KRT33B: variants seen among roughly 807,000 people sequenced by gnomAD.
KRT33B encodes the protein keratin 33B, also known as keratin, type I cuticular Ha3-II.
KRT33B carries 37 observed loss-of-function variants against 42.7 expected under a neutral mutation model. That is an observed-to-expected ratio of 0.87 (90% CI 0.67 to 1.14). The LOEUF is 1.14. Among genes scored for constraint, KRT33B ranks in the 50% most tolerant of loss-of-function variants. The pLI, the probability that KRT33B is intolerant of heterozygous loss-of-function variation, is 0.00. For synonymous variants in KRT33B, 237 were observed against 221.2 expected, an observed-to-expected ratio of 1.07 and a Z score of -0.63; for missense variants, 523 against 515.1, an observed-to-expected ratio of 1.02 and a Z score of -0.15.
At position 41,365,463 on chromosome 17, in the gene KRT33B, C is replaced by T. The variant is rs1597690218; in HGVS notation, c.679G>A (p.Glu227Lys). 6.2e-7 allele frequency: 1 copy of T among 1,613,044 alleles called. No homozygotes were observed. The highest frequency in any genetic ancestry group is 8.5e-7 in the Non-Finnish European group (1 of 1,180,022). ...PAVDLNQVLN[E>K]TRNQYEALVE... The stretch of plus-strand genomic sequence containing the variant: ...AGGGCCTCATACTGATTCCTGGTCT[C>T]GTTCAGGACCTGGTTCAGGTCCACA... The change falls in exon 4 of 7, where the codon GAG becomes AAG. Residue 227 changes from glutamate (E) to lysine (K), a missense_variant. By Grantham distance (56) the Glu-to-Lys change is moderately conservative (BLOSUM62 1). Transcript: ENST00000251646.
At chr17:41,366,133 T>G (rs990340832) in intron 3 of KRT33B, among the ~76,000 whole-genome samples, 1 of 151,212 alleles carries the variant, frequency 6.6e-6, no homozygotes, top group Non-Finnish European at 1.5e-5. Context: ...AGTGTAAGAA[T>G]GTTTTCTATC....
chr17:41,365,998 C>A (rs1329411396), intron 3 of KRT33B, among the ~76,000 whole-genome samples: 1 of 151,370 alleles, frequency 6.6e-6, no homozygotes, highest in Non-Finnish European at 1.5e-5. Context: ...GCCATGAGAT[C>A]TGAATCAACC....
rs61741664 is a variant in KRT33B at position 41,365,500 on chromosome 17, G to A, written c.642C>T (p.Asp214=). The A allele has an allele frequency of 2.2e-3, 3,621 of 1,612,878 alleles. 265 individuals are homozygous for A. In the African/African-American group the frequency reaches 0.043, roughly 19 times the overall value. ...QLGDRLNVEV[D]AAPAVDLNQV... ...GGTTCAGGTCCACAGCGGGAGCAGCGTCCACCTCCACGTTGAGGCGGTCTC... is the reference window on the plus strand; with the variant it reads ...GGTTCAGGTCCACAGCGGGAGCAGCATCCACCTCCACGTTGAGGCGGTCTC... Residue 214 remains aspartate, a synonymous_variant, in exon 4 of 7, where the codon GAC becomes GAT. Coordinates refer to ENST00000251646, the MANE Select transcript of KRT33B (RefSeq NM_002279.5).
In KRT33B at chr17:41,369,007, A is replaced by C. The variant is rs935370840; in HGVS notation, c.348+396T>G. Among the ~76,000 whole-genome samples the C allele has an allele frequency of 3.7e-4, 56 of 151,578 alleles. 4 individuals carry two copies. The highest frequency in any genetic ancestry group is 1.3e-3 in the African/African-American group (54 of 40,842). ...ATGCTATATTTTGCTACAGCTTTGAAAGGCTTTAAATATTTGAAGATTTAC... is the reference window on the plus strand; with the variant it reads ...ATGCTATATTTTGCTACAGCTTTGACAGGCTTTAAATATTTGAAGATTTAC... On this transcript the variant is annotated intron_variant, in intron 1 of 6. Transcript: ENST00000251646.
At chr17:41,366,397 A>G in intron 3 of KRT33B, 73 bp downstream of exon 3, 1 of 1,568,680 alleles carries the variant, frequency 6.4e-7, no homozygotes, top group Non-Finnish European at 8.6e-7. Context: ...TTAGCAAATC[A>G]AATCCTACCT....
Position 41,363,935 on chromosome 17 carries a change from G to A in KRT33B, c.1116C>T (p.Cys372=), listed in dbSNP as rs139682874. The change falls in exon 7 of 7, where the codon TGC becomes TGT. Residue 372 remains cysteine, a synonymous_variant. Coordinates refer to ENST00000251646, the MANE Select transcript of KRT33B (RefSeq NM_002279.5). ...GCTTTTCACATGCATTGGTGGTGGC[G>A]CAGGGGTTGGAGGGCAGCCTGGGAT... ...SEDCKLPSNP[C]ATTNACEKPI... is the part of the protein sequence containing the mutation. 4.4e-5 allele frequency: 71 copies of A among 1,610,296 alleles called. 1 individual carries two copies. Among genetic ancestry groups the A allele is most frequent in the African/African-American group, 2.3e-4 (17 of 73,410 alleles).
At chr17:41,364,690 A>G in intron 6 of KRT33B, 89 bp downstream of exon 6, 3 of 1,540,076 alleles carry the variant, frequency 1.9e-6, no homozygotes, top group Non-Finnish European at 2.7e-6. Flanking sequence ...ACAGATTGGC[A>G]TCTGAAACTT....
chr17:41,367,659 G>T (rs1228304181), intron 2 of KRT33B, among the ~76,000 whole-genome samples: 4 of 151,116 alleles, frequency 2.6e-5, no homozygotes, highest in Non-Finnish European at 5.9e-5. Flanking sequence ...AGCCAAGATT[G>T]CATCACTGCA....
rs760616191 is a variant in KRT33B, at chr17:41,365,274, T to TACC, written c.774_776dup (p.Val259dup). On this transcript the variant is annotated inframe_insertion, in exon 5 of 7. Transcript: ENST00000251646. ...AGGACTGCAGCTGCTCCGAGCTGGA[T>TACC]ACCACCTGCTTGTTCAGCTCCTCGG... 1 of 1,612,328 alleles carries TACC rather than the reference T, an allele frequency of 6.2e-7. No individual in the cohort carries two copies. The highest frequency in any genetic ancestry group is 8.5e-7 in the Non-Finnish European group (1 of 1,180,024).
rs114488848 is a variant in KRT33B at position 41,365,216 on chromosome 17, C to G, written c.835G>C (p.Val279Leu). Reference protein sequence around the residue: ...QAEIIELRRTVNALEIELQAQ... With the variant: ...QAEIIELRRTLNALEIELQAQ... ...TGCAGCTCGATCTCCAGGGCATTGA[C>G]TGTGCGTCTCAGCTCGATGATCTCC... The change falls in exon 5 of 7, where the codon GTC becomes CTC. Residue 279 changes from valine to leucine, a missense_variant. Val to Leu is a conservative substitution (Grantham distance 32). Transcript: ENST00000251646. 424 of 1,612,014 alleles carry G rather than the reference C, an allele frequency of 2.6e-4. 31 individuals carry two copies. The African/African-American group carries it at 5.3e-3, about 20-fold the overall frequency.
chr17:41,368,378 A>G (rs1358466827), intron 1 of KRT33B, among the ~76,000 whole-genome samples: 1 of 149,646 alleles, frequency 6.7e-6, no homozygotes, highest in East Asian at 2.0e-4. Flanking sequence ...ACTTCTCTCC[A>G]CTCTCCCCTC....
rs747983852 is a variant in KRT33B, at chr17:41,369,658, C to A, written c.93G>T (p.Leu31=). The change falls in exon 1 of 7, where the codon CTG becomes CTT. Residue 31 remains leucine (L), a synonymous_variant. Coordinates refer to ENST00000251646, the MANE Select transcript of KRT33B (RefSeq NM_002279.5). The part of the protein sequence containing the change: ...CVPPSCHGYT[L]PGACNIPANV... ...TGGCAGGGATGTTGCAGGCCCCGGG[C>A]AGGGTGTAGCCGTGGCAGCTGGGGG... The A allele has an allele frequency of 1.9e-6, 3 of 1,613,744 alleles. No homozygotes were observed. In the Admixed American group the frequency reaches 5.0e-5, roughly 27 times the overall value.
rs368270777 is a variant in KRT33B at position 41,364,790 on chromosome 17, G to A, written c.1086C>T (p.Ser362=). ...CGCCAGGTACTCACTTGCAGTCCTC[G>A]CTCTCCAGCAGGCTCCGGTATGTGT... ...EINTYRSLLE[S]EDCKLPSNPC... Residue 362 remains serine, a synonymous_variant, in exon 6 of 7, where the codon AGC becomes AGT. Transcript: ENST00000251646. 6.2e-6 allele frequency: 10 copies of A among 1,612,584 alleles called. No individual in the cohort carries two copies. The highest frequency in any genetic ancestry group is 5.4e-5 in the African/African-American group (4 of 73,910).
At position 41,364,762 on chromosome 17, in the gene KRT33B, G is replaced by A. The variant is rs756541994; in HGVS notation, c.1097+17C>T. 6.8e-6 allele frequency: 11 copies of A among 1,612,038 alleles called. No individual in the cohort carries two copies. The highest frequency in any genetic ancestry group is 6.7e-5 in the East Asian group (3 of 44,900). On this transcript the variant is annotated intron_variant, in intron 6 of 6. Coordinates refer to ENST00000251646, the MANE Select transcript of KRT33B (RefSeq NM_002279.5). ...AGTGCCTGTCCCTTGCAGGGGTGCC[G>A]TCCGCCAGGTACTCACTTGCAGTCC...
rs767739838 is a variant in KRT33B at position 41,364,761 on chromosome 17, C to T, written c.1097+18G>A. On this transcript the variant is annotated intron_variant, in intron 6 of 6. Transcript: ENST00000251646. ...CAGTGCCTGTCCCTTGCAGGGGTGC[C>T]GTCCGCCAGGTACTCACTTGCAGTC... 31 of 1,612,036 alleles carry T rather than the reference C, an allele frequency of 1.9e-5. No homozygotes were observed. Among genetic ancestry groups the T allele is most frequent in the Non-Finnish European group, 2.6e-5 (31 of 1,179,822 alleles).
Position 41,369,383 on chromosome 17 carries a change from T to A in KRT33B, c.348+20A>T, listed in dbSNP as rs1201970933. 4 of 1,611,508 alleles carry A rather than the reference T, an allele frequency of 2.5e-6. No individual in the cohort carries two copies. In the South Asian group the frequency reaches 4.4e-5, roughly 18 times the overall value. Reference sequence around the variant, plus strand: ...GATAAGTAGTTCATTAAGCTGGCAGTGTGGTGCCCACCTCCTCACCTTCTG... The same window carrying A: ...GATAAGTAGTTCATTAAGCTGGCAGAGTGGTGCCCACCTCCTCACCTTCTG... On this transcript the variant is annotated intron_variant, in intron 1 of 6. Coordinates refer to ENST00000251646, the MANE Select transcript of KRT33B (RefSeq NM_002279.5).
intron 3 of KRT33B, among the ~76,000 whole-genome samples, chr17:41,365,944 T>G (rs1344703228): frequency 1.3e-5 from 2 of 151,436 alleles, no homozygotes; most frequent in Non-Finnish European, 2.9e-5. Flanking sequence ...CATGAAAACG[T>G]CTAATGTTTG....
At position 41,365,533 on chromosome 17, in the gene KRT33B, G is replaced by A. The variant is rs1307960799; in HGVS notation, c.609C>T (p.Cys203=). ...CCACGTTGAGGCGGTCTCCAAGCTG[G>A]CAGCGCAAGGTGTTGACTTCCTAAT... ...NHEQEVNTLR[C]QLGDRLNVEV... is the part of the protein sequence containing the mutation. The change falls in exon 4 of 7, where the codon TGC becomes TGT. Residue 203 remains cysteine (C), a synonymous_variant. Transcript: ENST00000251646. The A allele has an allele frequency of 1.9e-6, 3 of 1,611,538 alleles. No individual in the cohort carries two copies. The highest frequency in any genetic ancestry group is 1.1e-5 in the South Asian group (1 of 90,816).
intron 2 of KRT33B, among the ~76,000 whole-genome samples, chr17:41,367,142 G>T (rs1219985210): frequency 6.6e-6 from 1 of 151,356 alleles, no homozygotes; most frequent in Non-Finnish European, 1.5e-5. Context: ...GACTGAAGAT[G>T]ATATATGTAA....
Sources: gnomAD v4.1 joint callset for allele counts (sites outside exome capture counted in the v4.1 genomes callset) on GRCh38, gnomAD v4.1.1 for gene constraint, MANE v1.5 for transcripts, NCBI Gene and HGNC (gene_info 2026-07-23, HGNC 2026-07-21) for gene names.